Variants in SLC25A21 observed in about 807,000 individuals in gnomAD.
The protein encoded by SLC25A21 is mitochondrial 2-oxodicarboxylate carrier.
A neutral mutation model predicts 43.8 loss-of-function variants in SLC25A21; 47 were observed. That is an observed-to-expected ratio of 1.07 (90% CI 0.85 to 1.37). SLC25A21 has a LOEUF of 1.37. SLC25A21 is among the 40% of genes most tolerant of loss of function. SLC25A21 has a pLI of 0.00. For missense variants in SLC25A21, 352 were observed against 350.2 expected, an observed-to-expected ratio of 1.00 and a Z score of -0.04; for synonymous variants, 131 against 121.3, an observed-to-expected ratio of 1.08 and a Z score of -0.52.
At chr14:36,746,560 C>T (rs543260734) in intron 3 of SLC25A21, among the ~76,000 whole-genome samples, 95 of 152,198 alleles carry the variant, frequency 6.2e-4, no homozygotes, top group Non-Finnish European at 9.4e-4. Flanking sequence ...TGCAATATAT[C>T]CATGTAACCC....
intron 3 of SLC25A21, among the ~76,000 whole-genome samples, chr14:36,734,777 C>T (rs966706784): frequency 5.3e-5 from 8 of 152,124 alleles, no homozygotes; most frequent in African/African-American, 1.9e-4. Flanking sequence ...GATACTGAGA[C>T]AGGAATCCCT....
At chr14:37,152,502 C>G (rs931588128) in intron 1 of SLC25A21, among the ~76,000 whole-genome samples, 2 of 151,816 alleles carry the variant, frequency 1.3e-5, no homozygotes, top group Non-Finnish European at 2.9e-5. Context: ...GCTTCAGCCT[C>G]CTGACTAGCT....
chr14:37,158,483 T>C (rs565941557), intron 1 of SLC25A21, among the ~76,000 whole-genome samples: 3 of 152,104 alleles, frequency 2.0e-5, no homozygotes, highest in South Asian at 2.1e-4. Flanking sequence ...ACAAAAACCA[T>C]ATGATCATCT....
chr14:37,042,414 G>A (rs924858079), intron 1 of SLC25A21, among the ~76,000 whole-genome samples: 6 of 152,022 alleles, frequency 3.9e-5, no homozygotes, highest in African/African-American at 1.5e-4. Flanking sequence ...TAATTTTACC[G>A]ACTCCAAAAG....
chr14:36,873,242 A>G (rs987884038), intron 2 of SLC25A21, among the ~76,000 whole-genome samples: 1 of 152,068 alleles, frequency 6.6e-6, no homozygotes, highest in African/African-American at 2.4e-5. Flanking sequence ...AGGGGTGCGC[A>G]TACCTTACAT....
At chr14:36,811,121 T>A (rs1319205590) in intron 3 of SLC25A21, among the ~76,000 whole-genome samples, 3 of 152,106 alleles carry the variant, frequency 2.0e-5, no homozygotes, top group Admixed American at 1.3e-4. Context: ...CTAGAGCAGA[T>A]CTGAGTGTGA....
intron 3 of SLC25A21, among the ~76,000 whole-genome samples, chr14:36,810,568 T>C (rs138476795): frequency 6.6e-6 from 1 of 152,214 alleles, no homozygotes; most frequent in African/African-American, 2.4e-5. Context: ...CTTTTGTCAC[T>C]AGGTGACCTC....
In SLC25A21 at chr14:36,678,755, G is replaced by C. The variant is rs1421851832; in HGVS notation, c.*1903C>G. 5.4e-6 allele frequency: 6 copies of C among 1,118,772 alleles called. No homozygotes were observed. The highest frequency in any genetic ancestry group is 4.5e-5 in the Admixed American group (1 of 22,304). 69.3% of individuals were successfully genotyped at this position (1,118,772 alleles called of 1,614,324 possible). A position where few individuals can be genotyped will look rare whatever the true frequency, so the allele number is the denominator to read the frequency against. On this transcript the variant is annotated 3_prime_UTR_variant, in exon 10 of 10. Coordinates refer to ENST00000331299, the MANE Select transcript of SLC25A21 (RefSeq NM_030631.4). ...TTGTGCTATTTATAATTTTTTTCTGGTTCTTGTATTTTAAAAAATCTAATA... is the reference window on the plus strand; with the variant it reads ...TTGTGCTATTTATAATTTTTTTCTGCTTCTTGTATTTTAAAAAATCTAATA...
chr14:36,804,943 G>A (rs958697438), intron 3 of SLC25A21, among the ~76,000 whole-genome samples: 1 of 152,108 alleles, frequency 6.6e-6, no homozygotes, highest in Non-Finnish European at 1.5e-5. Flanking sequence ...CCATAAGAAG[G>A]CCAGAATAAA....
intron 1 of SLC25A21, among the ~76,000 whole-genome samples, chr14:37,104,932 A>C (rs1962884370): frequency 6.6e-6 from 1 of 152,218 alleles, no homozygotes; most frequent in Admixed American, 6.5e-5. Flanking sequence ...GTATTTGTTC[A>C]ATGTATATTT....
intron 1 of SLC25A21, among the ~76,000 whole-genome samples, chr14:37,089,584 A>G (rs1962546023): frequency 6.6e-6 from 1 of 152,120 alleles, no homozygotes; most frequent in African/African-American, 2.4e-5. Context: ...CCCATCCCCA[A>G]ACAGATTTCT....
intron 2 of SLC25A21, among the ~76,000 whole-genome samples, chr14:36,827,491 T>A (rs1246242428): frequency 2.0e-5 from 3 of 152,222 alleles, no homozygotes. Flanking sequence ...AAAATCTTGA[T>A]ATACTCTCTA....
intron 1 of SLC25A21, among the ~76,000 whole-genome samples, chr14:37,072,832 A>G (rs1022909436): frequency 6.6e-6 from 1 of 152,260 alleles, no homozygotes; most frequent in African/African-American, 2.4e-5. Flanking sequence ...CAGGCTTAAA[A>G]GAACCGCTGG....
intron 1 of SLC25A21, among the ~76,000 whole-genome samples, chr14:37,035,069 C>A (rs1240235833): frequency 6.6e-6 from 1 of 152,170 alleles, no homozygotes; most frequent in South Asian, 2.1e-4. Context: ...CAAGACTGGG[C>A]TATAAATTTT....
chr14:37,160,889 C>T (rs1450036899), intron 1 of SLC25A21, among the ~76,000 whole-genome samples: 1 of 149,994 alleles, frequency 6.7e-6, no homozygotes. Context: ...GAGATGATGC[C>T]ACTGCACTCC....
At chr14:37,088,641 T>C (rs1478737610) in intron 1 of SLC25A21, among the ~76,000 whole-genome samples, 1 of 152,236 alleles carries the variant, frequency 6.6e-6, no homozygotes, top group African/African-American at 2.4e-5. Context: ...TCAACTGTCT[T>C]TAAAGCCAGC....
intron 1 of SLC25A21, among the ~76,000 whole-genome samples, chr14:37,143,071 T>G (rs1963597946): frequency 6.6e-6 from 1 of 152,226 alleles, no homozygotes; most frequent in Non-Finnish European, 1.5e-5. Flanking sequence ...TCTGTCAGTA[T>G]TAGTCAGCTG....
At chr14:36,805,198 C>T (rs560675567) in intron 3 of SLC25A21, among the ~76,000 whole-genome samples, 4 of 152,296 alleles carry the variant, frequency 2.6e-5, no homozygotes, top group African/African-American at 4.8e-5. Context: ...GCCTTGCTGA[C>T]GGGCTGACAT....
At chr14:36,932,102 TAAG>T (rs1427440133) in intron 1 of SLC25A21, among the ~76,000 whole-genome samples, 3 of 152,088 alleles carry the variant, frequency 2.0e-5, no homozygotes, top group Admixed American at 2.0e-4. Flanking sequence ...TCCATATACA[TAAG>T]AAGAAAATAT....
Sources: allele counts gnomAD v4.1 joint callset (sites outside exome capture counted in the v4.1 genomes callset), GRCh38; gene constraint gnomAD v4.1.1; transcripts MANE v1.5; gene names NCBI Gene and HGNC (gene_info 2026-07-23, HGNC 2026-07-21).